SLCO1A2: variants seen among roughly 807,000 people sequenced by gnomAD.
SLCO1A2 encodes the protein solute carrier organic anion transporter family member 1A2, also known as OATP-1.
Under a neutral mutation model 69.0 loss-of-function variants are expected in SLCO1A2, and 67 were observed. The ratio of observed to expected loss-of-function variants is 0.97; its 90% CI spans 0.80 to 1.19. The LOEUF (loss-of-function observed/expected upper bound fraction) is 1.19. Ranked by LOEUF, SLCO1A2 falls within the 50% of genes most tolerant of loss-of-function variation. The pLI, the probability that SLCO1A2 is intolerant of heterozygous loss-of-function variation, is 0.00. For synonymous variants in SLCO1A2, 260 were observed against 265.9 expected, an observed-to-expected ratio of 0.98 and a Z score of 0.22; for missense variants, 787 against 793.7, an observed-to-expected ratio of 0.99 and a Z score of 0.10.
At chr12:21,307,144 A>G (rs956839535) in intron 4 of SLCO1A2, among the ~76,000 whole-genome samples, 156 bp from the exon 5 acceptor site, 2 of 152,216 alleles carry the variant, frequency 1.3e-5, no homozygotes, top group Non-Finnish European at 1.5e-5. Flanking sequence ...TCATAAGTTA[A>G]TATCATCAAA....
intron 2 of SLCO1A2, among the ~76,000 whole-genome samples, chr12:21,332,283 G>T (rs1565504026): frequency 6.6e-6 from 1 of 152,094 alleles, no homozygotes; most frequent in Admixed American, 6.6e-5. Flanking sequence ...GTCACAGGTA[G>T]ATTTTAAAAT....
chr12:21,337,175 A>G (rs1952919349), upstream of SLCO1A2, among the ~76,000 whole-genome samples: 1 of 151,860 alleles, frequency 6.6e-6, no homozygotes, highest in African/African-American at 2.4e-5. Flanking sequence ...GATCTCTGGA[A>G]CTTGTTCATC....
chr12:21,401,733 T>C (rs12313651), intron 1 of SLCO1A2, among the ~76,000 whole-genome samples: 8,047 of 151,846 alleles, frequency 0.053, 265 homozygotes, highest in African/African-American at 0.075. Context: ...AGATGATCGG[T>C]ACCTGACATA....
At chr12:21,326,806 G>GT (rs1434254434) in intron 2 of SLCO1A2, among the ~76,000 whole-genome samples, 1 of 152,146 alleles carries the variant, frequency 6.6e-6, no homozygotes, top group Non-Finnish European at 1.5e-5. Flanking sequence ...CAAAGATATG[G>GT]TTTGAAATTG....
upstream of SLCO1A2, among the ~76,000 whole-genome samples, chr12:21,418,971 T>C (rs1024245433): frequency 2.0e-5 from 3 of 152,108 alleles, no homozygotes; most frequent in Admixed American, 6.6e-5. Flanking sequence ...TTGTATAAAA[T>C]ACAATGTGTT....
rs146231700 is a variant in SLCO1A2, at chr12:21,322,244, G to A, written c.61-3321C>T. Among the ~76,000 whole-genome samples, 383 of 152,200 alleles carry A rather than the reference G, an allele frequency of 2.5e-3. 1 individual carries two copies. Among genetic ancestry groups the A allele is most frequent in the African/African-American group, 8.8e-3 (366 of 41,512 alleles). ...GCAAGGCACTAACAAATTTGGGTTG[G>A]CTGATGCCTGTGAACCCAAAAGTAT... On this transcript the variant is annotated intron_variant, in intron 2 of 14. Coordinates refer to ENST00000683939, the MANE Select transcript of SLCO1A2 (RefSeq NM_001386879.1).
chr12:21,281,683 G>T (rs1410435504), intron 12 of SLCO1A2, among the ~76,000 whole-genome samples: 1 of 151,932 alleles, frequency 6.6e-6, no homozygotes, highest in African/African-American at 2.4e-5. Context: ...AAAAAAGAGA[G>T]AAGACTCAAA....
intron 14 of SLCO1A2, among the ~76,000 whole-genome samples, chr12:21,272,158 T>G (rs1390320326): frequency 6.6e-6 from 1 of 151,742 alleles, no homozygotes; most frequent in Non-Finnish European, 1.5e-5. Flanking sequence ...ATACTTTTTT[T>G]TAACTTTTTA....
intron 1 of SLCO1A2, among the ~76,000 whole-genome samples, chr12:21,383,235 T>A (rs1019779002): frequency 6.6e-6 from 1 of 152,160 alleles, no homozygotes; most frequent in African/African-American, 2.4e-5. Flanking sequence ...TGGTAGCACA[T>A]CTTTTTTTTC....
chr12:21,404,944 T>C (rs759672364), intron 1 of SLCO1A2, among the ~76,000 whole-genome samples: 1 of 152,222 alleles, frequency 6.6e-6, no homozygotes, highest in Non-Finnish European at 1.5e-5. Context: ...TGGCATGAGA[T>C]GATATCTCAA....
chr12:21,281,554 C>A (rs565446826), intron 12 of SLCO1A2, among the ~76,000 whole-genome samples: 1 of 151,234 alleles, frequency 6.6e-6, no homozygotes, highest in East Asian at 1.9e-4. Flanking sequence ...TAATAAAGAT[C>A]GGAGTAGAAA....
intron 12 of SLCO1A2, among the ~76,000 whole-genome samples, chr12:21,279,603 T>A (rs1944448361): frequency 6.6e-6 from 1 of 152,072 alleles, no homozygotes; most frequent in Non-Finnish European, 1.5e-5. Context: ...CTGGTGAAAA[T>A]ATCCTCCAAA....
At chr12:21,378,483 T>A in intron 1 of SLCO1A2, 1 of 1,402,160 alleles carries the variant, frequency 7.1e-7, no homozygotes, top group Non-Finnish European at 1.0e-6. Flanking sequence ...CTGTATAATT[T>A]AACAGTGCCC....
At position 21,274,582 on chromosome 12, in the gene SLCO1A2, G is replaced by A. The variant is rs1338984056; in HGVS notation, c.1680C>T (p.Gly560=). 1.3e-6 allele frequency: 2 copies of A among 1,588,800 alleles called. No individual in the cohort carries two copies. Among genetic ancestry groups the A allele is most frequent in the African/African-American group, 1.3e-5 (1 of 74,360 alleles). The change falls in exon 14 of 15, where the codon GGC becomes GGT. Residue 560 remains glycine (G), a synonymous_variant. Coordinates refer to ENST00000683939, the MANE Select transcript of SLCO1A2 (RefSeq NM_001386879.1). ...LHTFCTRVFA[G]IPAPIYFGAL... is the part of the protein sequence containing the mutation. ...CGCCAAAATATATAGGTGCAGGAAT[G>A]CCAGCTACAATTGACAGGGAAAGAA...
chr12:21,267,686 C>T lies in SLCO1A2; in HGVS notation c.*1862G>A, dbSNP rs1942224831. 1 of 152,128 alleles carries T rather than the reference C, an allele frequency of 6.6e-6. No homozygotes were observed. Among genetic ancestry groups the T allele is most frequent in the African/African-American group, 2.4e-5 (1 of 41,424 alleles). The allele number at this position is 152,128 out of a possible 1,614,324, so 9.4% of individuals were successfully genotyped here. A position where few individuals can be genotyped will look rare whatever the true frequency, so the allele number is the denominator to read the frequency against. On this transcript the variant is annotated 3_prime_UTR_variant, in exon 15 of 15. Transcript: ENST00000683939. ...AGTTCAGAAATGAGCATTCTCTTCACCATCGCACACTCAGCAAAATCTGAT... is the reference window on the plus strand; with the variant it reads ...AGTTCAGAAATGAGCATTCTCTTCATCATCGCACACTCAGCAAAATCTGAT...
chr12:21,395,598 A>C (rs1214616757), upstream of SLCO1A2, among the ~76,000 whole-genome samples: 2 of 152,224 alleles, frequency 1.3e-5, no homozygotes, highest in Non-Finnish European at 2.9e-5. Flanking sequence ...AGACAGCAGT[A>C]ACCTCTGCAG....
At chr12:21,386,545 C>T (rs971985907) in intron 1 of SLCO1A2, among the ~76,000 whole-genome samples, 2 of 152,118 alleles carry the variant, frequency 1.3e-5, no homozygotes, top group African/African-American at 4.8e-5. Context: ...TTACCCTGCA[C>T]TTCTCTCTTG....
intron 14 of SLCO1A2, among the ~76,000 whole-genome samples, chr12:21,273,691 C>T (rs548811837): frequency 4.3e-4 from 65 of 152,286 alleles, no homozygotes; most frequent in African/African-American, 1.5e-3. Flanking sequence ...TGTAGCTGAG[C>T]TTCCCTCAGC....
At chr12:21,294,902 T>C (rs1249113258) in intron 10 of SLCO1A2, 1 of 152,186 alleles carries the variant, frequency 6.6e-6, no homozygotes, top group Non-Finnish European at 1.5e-5. Context: ...ATTTTACATT[T>C]GAAATTATTT....
Sources: allele counts gnomAD v4.1 joint callset (sites outside exome capture counted in the v4.1 genomes callset), GRCh38; gene constraint gnomAD v4.1.1; transcripts MANE v1.5; gene names NCBI Gene and HGNC (gene_info 2026-07-23, HGNC 2026-07-21).